HDAC9: variants seen among roughly 807,000 people sequenced by gnomAD.
HDAC9 encodes the protein MEF-2 interacting transcription repressor (MITR) protein.
In HDAC9, 41 loss-of-function variants were observed where a neutral mutation model predicts 139.4. The observed-to-expected ratio is 0.29, with a 90% confidence interval of 0.23 to 0.38. HDAC9 has a LOEUF of 0.38. HDAC9 is among the 10% of genes least tolerant of loss of function. The pLI is 1.00. For synonymous variants in HDAC9, 517 were observed against 476.2 expected, an observed-to-expected ratio of 1.09 and a Z score of -1.12; for missense variants, 1,147 against 1,297.0, an observed-to-expected ratio of 0.88 and a Z score of 1.78.
At chr7:18,632,202 G>T (rs966961119) in intron 7 of HDAC9, among the ~76,000 whole-genome samples, 1 of 151,692 alleles carries the variant, frequency 6.6e-6, no homozygotes, top group African/African-American at 2.4e-5. Context: ...CAGAGGTGAT[G>T]ATTAAAAAAA....
At chr7:18,181,665 C>T (rs1789440094) in intron 2 of HDAC9, among the ~76,000 whole-genome samples, 2 of 152,124 alleles carry the variant, frequency 1.3e-5, no homozygotes, top group Admixed American at 6.6e-5. Context: ...ACCCTGGCTG[C>T]ACATCAGCAT....
intron 16 of HDAC9, among the ~76,000 whole-genome samples, chr7:18,782,707 T>TC (rs774671065): frequency 2.8e-4 from 43 of 151,728 alleles, no homozygotes; most frequent in Non-Finnish European, 5.5e-4. Context: ...GCGGGGATTT[T>TC]TTTTTCTTAG....
chr7:18,666,314 G>A lies in HDAC9; in HGVS notation c.1569G>A (p.Ala523=). ...ACCAGGCGATGCAGGAAGACAGAGC[G>A]CCCTCTAGTGGCAACAGCACTAGGA... ...QGDQAMQEDR[A]PSSGNSTRSD... Residue 523 remains alanine, a synonymous_variant, in exon 12 of 26, where the codon GCG becomes GCA. Transcript: ENST00000686413. 2 of 1,613,410 alleles carry A rather than the reference G, an allele frequency of 1.2e-6. No homozygotes were observed. Among genetic ancestry groups the A allele is most frequent in the Non-Finnish European group, 1.7e-6 (2 of 1,179,608 alleles).
In HDAC9 at chr7:18,554,980, G is replaced by T. The variant is rs138927230; in HGVS notation, c.23-30301G>T. 4.2e-3 allele frequency among the ~76,000 whole-genome samples: 638 copies of T among 152,266 alleles called. 5 individuals are homozygous for T. The highest frequency in any genetic ancestry group is 0.014 in the African/African-American group (600 of 41,552). Reference sequence around the variant, plus strand: ...TCTTACCTAGTTAAATTCTATGTGTGAAGTGCATATTCAATTAACTGACCT... The same window carrying T: ...TCTTACCTAGTTAAATTCTATGTGTTAAGTGCATATTCAATTAACTGACCT... On this transcript the variant is annotated intron_variant, in intron 2 of 25. Coordinates refer to ENST00000686413, the MANE Select transcript of HDAC9 (RefSeq NM_178425.4).
chr7:18,120,376 G>C (rs899548643), intron 1 of HDAC9, among the ~76,000 whole-genome samples: 1 of 152,190 alleles, frequency 6.6e-6, no homozygotes, highest in Admixed American at 6.5e-5. Context: ...TGCTCATCTT[G>C]TAGCTGAGGT....
At chr7:18,520,280 C>T (rs1012267029) in intron 2 of HDAC9, among the ~76,000 whole-genome samples, 5 of 152,070 alleles carry the variant, frequency 3.3e-5, no homozygotes, top group Admixed American at 3.3e-4. Context: ...CCACCTCTTG[C>T]AGGTAACTTT....
intron 1 of HDAC9, among the ~76,000 whole-genome samples, chr7:18,434,184 A>T (rs899522799): frequency 2.0e-5 from 3 of 152,258 alleles, no homozygotes; most frequent in African/African-American, 7.2e-5. Context: ...TATATAATAT[A>T]TGGCACTGGA....
intron 12 of HDAC9, among the ~76,000 whole-genome samples, chr7:18,707,485 T>G (rs1206685997): frequency 6.6e-6 from 1 of 152,130 alleles, no homozygotes; most frequent in Non-Finnish European, 1.5e-5. Flanking sequence ...TATTTATAAA[T>G]ATATGCAGGA....
At chr7:18,954,567 A>G (rs1050078870) in intron 24 of HDAC9, among the ~76,000 whole-genome samples, 3 of 152,096 alleles carry the variant, frequency 2.0e-5, no homozygotes, top group African/African-American at 4.8e-5. Context: ...GTTATCTCCT[A>G]ATGATGTTGG....
chr7:18,844,483 T>C (rs1182029731), intron 21 of HDAC9, among the ~76,000 whole-genome samples: 2 of 152,200 alleles, frequency 1.3e-5, no homozygotes, highest in African/African-American at 2.4e-5. Flanking sequence ...TGAAAGGCCA[T>C]CAAGAAAATA....
chr7:18,847,131 T>C (rs1360992178), intron 21 of HDAC9, among the ~76,000 whole-genome samples: 2 of 152,156 alleles, frequency 1.3e-5, no homozygotes, highest in Non-Finnish European at 2.9e-5. Context: ...GGGGCCATTA[T>C]ATGTTCCATC....
At chr7:18,564,914 G>A (rs889097114) in intron 2 of HDAC9, among the ~76,000 whole-genome samples, 5 of 151,364 alleles carry the variant, frequency 3.3e-5, no homozygotes, top group Admixed American at 1.3e-4. Flanking sequence ...CACATCTTAG[G>A]CTCTTTCATA....
chr7:18,625,976 A>T (rs1248643148), intron 6 of HDAC9, among the ~76,000 whole-genome samples: 1 of 138,568 alleles, frequency 7.2e-6, no homozygotes, highest in Non-Finnish European at 1.6e-5. Flanking sequence ...AAAAAAAAAG[A>T]TATGTAGGAC....
chr7:18,342,325 C>T (rs1336127493), intron 1 of HDAC9, among the ~76,000 whole-genome samples: 1 of 151,788 alleles, frequency 6.6e-6, no homozygotes, highest in Non-Finnish European at 1.5e-5. Flanking sequence ...ACTGGAAAAT[C>T]TTTCAAGGCA....
At chr7:18,538,373 G>T (rs1355884090) in intron 2 of HDAC9, among the ~76,000 whole-genome samples, 1 of 152,190 alleles carries the variant, frequency 6.6e-6, no homozygotes, top group Admixed American at 6.5e-5. Context: ...TAAAGTCTGT[G>T]AGTTGCATAC....
chr7:18,817,038 G>T lies in HDAC9; in HGVS notation c.2323-12123G>T, dbSNP rs13310387. ...AATATACCTAGGTGAGAAGTTTTTT[G>T]TTTTTTTTTTTTTTGAAATGGAGTC... On this transcript the variant is annotated intron_variant, in intron 17 of 25. Coordinates refer to ENST00000686413, the MANE Select transcript of HDAC9 (RefSeq NM_178425.4). Among the ~76,000 whole-genome samples, 512 of 140,422 alleles carry T rather than the reference G, an allele frequency of 3.6e-3. 2 individuals are homozygous for T. Among genetic ancestry groups the T allele is most frequent in the Middle Eastern group, 0.022 (6 of 270 alleles). The allele number at this position is 140,422 out of a possible 152,430, so 92.1% of individuals were successfully genotyped here.
intron 2 of HDAC9, among the ~76,000 whole-genome samples, chr7:18,274,349 A>T (rs1006132714): frequency 2.0e-5 from 3 of 152,206 alleles, no homozygotes; most frequent in Non-Finnish European, 4.4e-5. Flanking sequence ...GTAAGCAGGC[A>T]TGTGCATAGA....
intron 21 of HDAC9, among the ~76,000 whole-genome samples, chr7:18,870,589 C>G (rs769175840): frequency 1.3e-5 from 2 of 152,006 alleles, no homozygotes; most frequent in Non-Finnish European, 2.9e-5. Flanking sequence ...CTTTTTAGTA[C>G]CTTGGAGAAG....
intron 13 of HDAC9, among the ~76,000 whole-genome samples, chr7:18,736,330 C>G (rs1234463555): frequency 6.6e-6 from 1 of 152,170 alleles, no homozygotes; most frequent in Non-Finnish European, 1.5e-5. Context: ...AAAGGGAATG[C>G]TTCCAGTTTT....
Sources: gnomAD v4.1 joint callset for allele counts (sites outside exome capture counted in the v4.1 genomes callset) on GRCh38, gnomAD v4.1.1 for gene constraint, MANE v1.5 for transcripts, NCBI Gene and HGNC (gene_info 2026-07-23, HGNC 2026-07-21) for gene names.